CAMTA1: variants seen among roughly 807,000 people sequenced by gnomAD.
CAMTA1 encodes the protein calmodulin-binding transcription activator 1.
In CAMTA1, 27 loss-of-function variants were observed where a neutral mutation model predicts 170.9. That is an observed-to-expected ratio of 0.16 (90% CI 0.12 to 0.22). The LOEUF (loss-of-function observed/expected upper bound fraction) is 0.22, where lower values mean the gene tolerates loss of function less well. CAMTA1 is among the 10% of genes least tolerant of loss of function. The pLI is 1.00. For missense variants in CAMTA1, 1,619 were observed against 2,217.2 expected, an observed-to-expected ratio of 0.73 and a Z score of 5.42; for synonymous variants, 833 against 891.5, an observed-to-expected ratio of 0.93 and a Z score of 1.17.
chr1:7,621,344 C>T (rs1366185446), intron 6 of CAMTA1, among the ~76,000 whole-genome samples: 5 of 152,230 alleles, frequency 3.3e-5, no homozygotes, highest in East Asian at 1.9e-4. Context: ...ACGTTGTCAC[C>T]GTCACCTGGC....
intron 3 of CAMTA1, among the ~76,000 whole-genome samples, chr1:7,049,540 T>C (rs1705962607): frequency 6.6e-6 from 1 of 152,186 alleles, no homozygotes; most frequent in Admixed American, 6.5e-5. Flanking sequence ...AACTGCAACC[T>C]CTGCCTCCCG....
intron 2 of CAMTA1, among the ~76,000 whole-genome samples, chr1:6,823,407 T>C (rs1251208012): frequency 6.6e-6 from 1 of 152,208 alleles, no homozygotes; most frequent in Admixed American, 6.5e-5. Flanking sequence ...AAAGGTTTAA[T>C]CTTATTTTCC....
rs72857542 is a variant in CAMTA1, at chr1:7,063,350, G to C, written c.235-27954G>C. ...GAGGCGCAGCTTCCCAGAGGGAGGT[G>C]TCATCTGCAGCGCTTTGCTTACCCG... On this transcript the variant is annotated intron_variant, in intron 3 of 22. Transcript: ENST00000303635. The surrounding 1 kb of genome is among the most constrained non-coding windows in gnomAD (Gnocchi z 4.3). Among the ~76,000 whole-genome samples the C allele has an allele frequency of 6.6e-6, 1 of 152,206 alleles. No individual in the cohort carries two copies. The highest frequency in any genetic ancestry group is 1.5e-5 in the Non-Finnish European group (1 of 68,040).
intron 1 of CAMTA1, among the ~76,000 whole-genome samples, chr1:6,788,718 T>C (rs1640157030): frequency 1.3e-5 from 2 of 152,100 alleles, no homozygotes; most frequent in Admixed American, 1.3e-4. Flanking sequence ...TTGGGAGTTT[T>C]CCCTGGTAAG....
At chr1:7,255,465 C>T (rs1284176672) in intron 5 of CAMTA1, among the ~76,000 whole-genome samples, 2 of 152,084 alleles carry the variant, frequency 1.3e-5, no homozygotes, top group African/African-American at 2.4e-5. Flanking sequence ...CGTCTAGGTC[C>T]ACATTGTCTT....
chr1:7,478,239 T>G (rs1307954428), intron 6 of CAMTA1, among the ~76,000 whole-genome samples: 2 of 150,958 alleles, frequency 1.3e-5, no homozygotes, highest in Non-Finnish European at 2.9e-5. Flanking sequence ...TCCAACCCAG[T>G]TTGCAAATGG....
chr1:7,206,947 T>C (rs7538921), intron 4 of CAMTA1, among the ~76,000 whole-genome samples: 105,056 of 152,012 alleles, frequency 0.69, 37,419 homozygotes, highest in African/African-American at 0.87. Context: ...GGCCTGCTTC[T>C]TCTAAGTGCC....
At position 7,146,754 on chromosome 1, in the gene CAMTA1, A is replaced by G. The variant is rs115884152; in HGVS notation, c.302+55383A>G. ...ACAAACACACACTCAAACATAAACCATGCACACACACACACTTGAGCATCA... is the reference window on the plus strand; with the variant it reads ...ACAAACACACACTCAAACATAAACCGTGCACACACACACACTTGAGCATCA... On this transcript the variant is annotated intron_variant, in intron 4 of 22. Coordinates refer to ENST00000303635, the MANE Select transcript of CAMTA1 (RefSeq NM_015215.4). This position sits in a 1 kb window ranked among gnomAD's most constrained non-coding sequence, Gnocchi z 4.3. 0.011 allele frequency among the ~76,000 whole-genome samples: 1,720 copies of G among 152,110 alleles called. 29 individuals carry two copies. The highest frequency in any genetic ancestry group is 0.039 in the African/African-American group (1,622 of 41,488).
At chr1:7,744,204 T>C (rs1433550526) in intron 16 of CAMTA1, among the ~76,000 whole-genome samples, 1 of 148,766 alleles carries the variant, frequency 6.7e-6, no homozygotes, top group Non-Finnish European at 1.5e-5. Flanking sequence ...CGATCTTGGT[T>C]CACTGCAACC....
chr1:6,804,824 G>T (rs1478170734), intron 1 of CAMTA1, among the ~76,000 whole-genome samples: 2 of 152,012 alleles, frequency 1.3e-5, no homozygotes, highest in Non-Finnish European at 2.9e-5. Context: ...CCAAGTGCTG[G>T]GATTACAGGT....
chr1:7,046,829 T>C (rs562483117), intron 3 of CAMTA1, among the ~76,000 whole-genome samples: 1 of 152,344 alleles, frequency 6.6e-6, no homozygotes, highest in Non-Finnish European at 1.5e-5. Context: ...TTCTTCCAGC[T>C]TGTTAAAAGG....
chr1:7,577,977 G>A (rs190373459), intron 6 of CAMTA1, among the ~76,000 whole-genome samples: 17 of 152,266 alleles, frequency 1.1e-4, no homozygotes, highest in Middle Eastern at 6.8e-3. Context: ...GGATTCTGCC[G>A]TCAGATGAGT....
intron 4 of CAMTA1, among the ~76,000 whole-genome samples, chr1:7,101,930 AC>A (rs1170025853): frequency 6.6e-6 from 1 of 152,164 alleles, no homozygotes; most frequent in Non-Finnish European, 1.5e-5. Context: ...CACACAACAC[AC>A]ATGCACAAGC....
Position 7,463,439 on chromosome 1 carries a change from A to G in CAMTA1, c.439-4391A>G. Among the ~76,000 whole-genome samples, 1 of 152,014 alleles carries G rather than the reference A, an allele frequency of 6.6e-6. No individual in the cohort carries two copies. The highest frequency in any genetic ancestry group is 1.9e-4 in the East Asian group (1 of 5,164). On this transcript the variant is annotated intron_variant, in intron 5 of 22. Coordinates refer to ENST00000303635, the MANE Select transcript of CAMTA1 (RefSeq NM_015215.4). The surrounding 1 kb of genome is among the most constrained non-coding windows in gnomAD (Gnocchi z 4.7). ...AATAAAGACAGACGGGGAGAGACAGATGGGGGAAATGGGAGAGAGACAGAG... is the reference window on the plus strand; with the variant it reads ...AATAAAGACAGACGGGGAGAGACAGGTGGGGGAAATGGGAGAGAGACAGAG...
intron 6 of CAMTA1, among the ~76,000 whole-genome samples, chr1:7,471,540 A>G (rs1479588282): frequency 1.3e-5 from 2 of 152,136 alleles, no homozygotes; most frequent in Non-Finnish European, 2.9e-5. Flanking sequence ...CAGGGCCTTC[A>G]GGCTCCCCTG....
At chr1:7,616,750 C>T (rs2095561704) in intron 6 of CAMTA1, among the ~76,000 whole-genome samples, 1 of 152,120 alleles carries the variant, frequency 6.6e-6, no homozygotes, top group Non-Finnish European at 1.5e-5. Flanking sequence ...CGGGGCCCCC[C>T]CACCAGAGTG....
intron 7 of CAMTA1, among the ~76,000 whole-genome samples, chr1:7,655,706 C>T (rs2095897077): frequency 6.6e-6 from 1 of 152,020 alleles, no homozygotes; most frequent in African/African-American, 2.4e-5. Flanking sequence ...CACCTATACA[C>T]ACATCTATAT....
At chr1:7,499,702 ATATGAG>A (rs2093942447) in intron 6 of CAMTA1, among the ~76,000 whole-genome samples, 1 of 135,282 alleles carries the variant, frequency 7.4e-6, no homozygotes, top group Non-Finnish European at 1.6e-5. Context: ...GTGCATATGT[ATATGAG>A]TGTGTGTGTG....
chr1:6,830,138 G>A lies in CAMTA1; in HGVS notation c.234+4928G>A, dbSNP rs538990097. On this transcript the variant is annotated intron_variant, in intron 3 of 22. Coordinates refer to ENST00000303635, the MANE Select transcript of CAMTA1 (RefSeq NM_015215.4). ...TGCAAGCTCCGCCTCCCGGGTTCAC[G>A]CCATTCTCCTGCCGTAGCCTCCCGC... 3.4e-3 allele frequency among the ~76,000 whole-genome samples: 513 copies of A among 151,690 alleles called. 2 individuals carry two copies. The highest frequency in any genetic ancestry group is 5.1e-3 in the Non-Finnish European group (343 of 67,900).
Sources: allele counts gnomAD v4.1 joint callset (sites outside exome capture counted in the v4.1 genomes callset), GRCh38; gene constraint gnomAD v4.1.1; non-coding constraint Gnocchi (gnomAD v3.1); transcripts MANE v1.5; gene names NCBI Gene and HGNC (gene_info 2026-07-23, HGNC 2026-07-21).